The following MACROD2 variants were observed in gnomAD, a reference collection of about 807,000 sequenced individuals.
MACROD2 encodes mono-ADP ribosylhydrolase 2, also known as ADP-ribose glycohydrolase MACROD2.
In MACROD2, 36 loss-of-function variants were observed where a neutral mutation model predicts 70.4. The observed-to-expected ratio is 0.51, with a 90% CI of 0.39 to 0.68. MACROD2 has a LOEUF of 0.68. Ranked by LOEUF, MACROD2 falls within the 30% of genes least tolerant of loss-of-function variation. The probability of loss-of-function intolerance (pLI) is 0.00; values close to 1 mark genes in which losing one functional copy is unlikely to be tolerated. For missense variants in MACROD2, 496 were observed against 538.4 expected (o/e 0.92, Z 0.78); for synonymous variants, 172 against 178.8 (o/e 0.96, Z 0.30).
At chr20:15,258,627 C>T (rs1225751722) in intron 6 of MACROD2, among the ~76,000 whole-genome samples, 1 of 151,984 alleles carries the variant, frequency 6.6e-6, no homozygotes, top group Non-Finnish European at 1.5e-5. Context: ...GATGTTCACA[C>T]GATGGTGAAA....
intron 5 of MACROD2, among the ~76,000 whole-genome samples, chr20:15,059,072 A>G (rs1450081837): frequency 6.6e-6 from 1 of 152,218 alleles, no homozygotes; most frequent in Non-Finnish European, 1.5e-5. Flanking sequence ...TCACTGCTAT[A>G]TCTGTACAGT....
intron 3 of MACROD2, among the ~76,000 whole-genome samples, chr20:14,423,168 C>T (rs1361107307): frequency 6.6e-6 from 1 of 152,162 alleles, no homozygotes; most frequent in Non-Finnish European, 1.5e-5. Context: ...GTTTCCCGAC[C>T]AAGACCACTG....
intron 7 of MACROD2, among the ~76,000 whole-genome samples, chr20:15,449,561 CT>C (rs1319546761): frequency 6.6e-6 from 1 of 152,142 alleles, no homozygotes; most frequent in Admixed American, 6.6e-5. Context: ...ATAATATTCA[CT>C]TCATATATAA....
At chr20:15,888,295 G>T (rs1259321430) in intron 10 of MACROD2, among the ~76,000 whole-genome samples, 1 of 152,128 alleles carries the variant, frequency 6.6e-6, no homozygotes, top group Non-Finnish European at 1.5e-5. Context: ...GTTTAAAAAA[G>T]ACTTGAAATT....
intron 3 of MACROD2, among the ~76,000 whole-genome samples, chr20:14,240,102 T>A (rs979316101): frequency 1.3e-5 from 2 of 152,090 alleles, no homozygotes; most frequent in Non-Finnish European, 2.9e-5. Context: ...ACATCACGAA[T>A]CATTAGAGAA....
At chr20:15,206,913 T>A (rs1163941386) in intron 5 of MACROD2, among the ~76,000 whole-genome samples, 2 of 150,650 alleles carry the variant, frequency 1.3e-5, no homozygotes, top group Non-Finnish European at 3.0e-5. Context: ...ATTTTTTGTA[T>A]TTTTAGTAGA....
At chr20:14,442,504 A>T (rs2084134785) in intron 3 of MACROD2, among the ~76,000 whole-genome samples, 2 of 152,258 alleles carry the variant, frequency 1.3e-5, no homozygotes, top group South Asian at 2.1e-4. Flanking sequence ...AGTGAAAAAT[A>T]TGGAGATATT....
intron 8 of MACROD2, among the ~76,000 whole-genome samples, chr20:15,659,890 G>A (rs1444859121): frequency 1.3e-5 from 2 of 152,098 alleles, no homozygotes; most frequent in African/African-American, 2.4e-5. Context: ...AAAGTCCTCT[G>A]TTATAGGCTC....
intron 5 of MACROD2, among the ~76,000 whole-genome samples, chr20:14,751,004 A>C (rs2123735762): frequency 6.6e-6 from 1 of 152,208 alleles, no homozygotes; most frequent in East Asian, 1.9e-4. Context: ...GCTTTTAATT[A>C]AAGAATAATA....
chr20:15,527,859 T>C (rs1488551482), intron 8 of MACROD2, among the ~76,000 whole-genome samples: 1 of 152,218 alleles, frequency 6.6e-6, no homozygotes. Flanking sequence ...GTGCCTTCTG[T>C]CTTTTTCTCC....
chr20:15,071,706 C>A (rs1026089100), intron 5 of MACROD2, among the ~76,000 whole-genome samples: 1 of 152,068 alleles, frequency 6.6e-6, no homozygotes, highest in African/African-American at 2.4e-5. Context: ...TATAGAAAAA[C>A]AATGAACAGT....
intron 8 of MACROD2, among the ~76,000 whole-genome samples, chr20:15,782,335 C>A (rs1399839229): frequency 6.6e-6 from 1 of 152,026 alleles, no homozygotes; most frequent in African/African-American, 2.4e-5. Flanking sequence ...CTATTTTCTT[C>A]TAATTCTGTG....
intron 6 of MACROD2, among the ~76,000 whole-genome samples, chr20:15,349,814 A>G (rs1459440877): frequency 6.6e-6 from 1 of 151,278 alleles, no homozygotes; most frequent in Admixed American, 6.6e-5. Flanking sequence ...TTAATTATGG[A>G]GAATGGAAGG....
At chr20:15,468,255 A>G (rs2046920729) in intron 7 of MACROD2, among the ~76,000 whole-genome samples, 1 of 152,146 alleles carries the variant, frequency 6.6e-6, no homozygotes, top group Non-Finnish European at 1.5e-5. Flanking sequence ...GAAGTACTGA[A>G]CATGTCAAGA....
chr20:16,038,545 G>A (rs546157804), intron 15 of MACROD2, among the ~76,000 whole-genome samples: 35 of 140,398 alleles, frequency 2.5e-4, no homozygotes, highest in African/African-American at 8.5e-4. Flanking sequence ...TTTTTTTTTC[G>A]GTTCTAGAAT....
intron 8 of MACROD2, among the ~76,000 whole-genome samples, chr20:15,600,220 C>T (rs1448542012): frequency 6.6e-6 from 1 of 152,046 alleles, no homozygotes; most frequent in Non-Finnish European, 1.5e-5. Context: ...GCACCGAGAC[C>T]CCTGGGATGG....
chr20:15,990,651 G>A (rs962559779), intron 15 of MACROD2, among the ~76,000 whole-genome samples: 1 of 152,182 alleles, frequency 6.6e-6, no homozygotes, highest in South Asian at 2.1e-4. Flanking sequence ...GGGCAGGCAT[G>A]CAAGTAAAGA....
At chr20:14,521,147 A>G (rs1176074878) in intron 4 of MACROD2, among the ~76,000 whole-genome samples, 1 of 152,196 alleles carries the variant, frequency 6.6e-6, no homozygotes, top group Non-Finnish European at 1.5e-5. Context: ...TCATAATGTC[A>G]TCTCTTCCAT....
intron 6 of MACROD2, among the ~76,000 whole-genome samples, chr20:15,234,119 C>T (rs1217063306): frequency 5.3e-5 from 7 of 132,030 alleles, no homozygotes; most frequent in Admixed American, 3.1e-4. Flanking sequence ...GCAAGCTCCG[C>T]CTCCCAGGTT....
Sources: allele counts gnomAD v4.1 joint callset (sites outside exome capture counted in the v4.1 genomes callset), GRCh38; gene constraint gnomAD v4.1.1; transcripts MANE v1.5; gene names NCBI Gene and HGNC (gene_info 2026-07-23, HGNC 2026-07-21).